The following SHLD2 variants were observed in gnomAD, a reference collection of about 807,000 sequenced individuals.
SHLD2 encodes the protein RINN1-REV7-interacting novel NHEJ regulator 2.
SHLD2 carries 30 observed loss-of-function variants against 73.2 expected under a neutral mutation model. That is an observed-to-expected ratio of 0.41 (90% CI 0.31 to 0.56). SHLD2 has a LOEUF of 0.56. SHLD2 is among the 20% of genes least tolerant of loss of function. The pLI is 0.28. For synonymous variants in SHLD2, 285 were observed against 370.1 expected, an observed-to-expected ratio of 0.77 and a Z score of 2.64; for missense variants, 745 against 1,055.9, an observed-to-expected ratio of 0.71 and a Z score of 4.08.
intron 6 of SHLD2, among the ~76,000 whole-genome samples, chr10:87,175,369 T>G (rs1377074044): frequency 6.6e-6 from 1 of 151,352 alleles, no homozygotes; most frequent in Non-Finnish European, 1.5e-5. Flanking sequence ...GGGCAAGGAA[T>G]CTTTAGAAAA....
In SHLD2 at chr10:87,151,943, G is replaced by T; in HGVS notation, c.589G>T (p.Glu197Ter). The change falls in exon 3 of 10, where the codon GAG becomes TAG. Residue 197 changes from glutamate to a stop codon, truncating the protein, a stop_gained. Coordinates refer to ENST00000298786, the MANE Select transcript of SHLD2 (RefSeq NM_001330112.2). LOFTEE classifies it high-confidence loss of function. ...INIGPEVVQRECVPTEYHEIQ... is the reference protein window; with the variant it reads ...INIGPEVVQR The stretch of plus-strand genomic sequence containing the variant: ...TATAGGGCCTGAAGTGGTACAAAGA[G>T]AGTGTGTGCCAACAGAATATCATGA... The T allele has an allele frequency of 6.2e-7, 1 of 1,611,328 alleles. No individual in the cohort carries two copies.
At chr10:87,155,897 A>C (rs1181154261) in intron 3 of SHLD2, among the ~76,000 whole-genome samples, 1 of 152,098 alleles carries the variant, frequency 6.6e-6, no homozygotes, top group African/African-American at 2.4e-5. Context: ...GAAAAAGAGG[A>C]CCTAGTTCAC....
At chr10:87,142,397 C>T (rs2134237275) in intron 2 of SHLD2, among the ~76,000 whole-genome samples, 1 of 152,278 alleles carries the variant, frequency 6.6e-6, no homozygotes. Flanking sequence ...TAGTTAAGAA[C>T]TTATGTTTTG....
chr10:87,110,990 C>T (rs550073899), intron 2 of SHLD2, among the ~76,000 whole-genome samples: 52 of 151,540 alleles, frequency 3.4e-4, no homozygotes, highest in African/African-American at 1.0e-3. Flanking sequence ...ACTACAGGCG[C>T]GCACCACCAC....
chr10:87,132,832 A>G (rs1260367206), intron 2 of SHLD2, among the ~76,000 whole-genome samples: 1 of 152,252 alleles, frequency 6.6e-6, no homozygotes, highest in Non-Finnish European at 1.5e-5. Context: ...AAGTGGGGGT[A>G]TAGAATCCTA....
chr10:87,186,680 T>C (rs1848640432), intron 8 of SHLD2, among the ~76,000 whole-genome samples: 1 of 152,220 alleles, frequency 6.6e-6, no homozygotes, highest in Non-Finnish European at 1.5e-5. Flanking sequence ...AAATTGTTAA[T>C]CCAGTTCCCT....
chr10:87,128,088 A>T (rs1221400221), intron 2 of SHLD2, among the ~76,000 whole-genome samples: 7 of 152,062 alleles, frequency 4.6e-5, no homozygotes, highest in Admixed American at 3.9e-4. Context: ...CTCAAATGTT[A>T]TACAGTTTAA....
chr10:87,148,047 T>C lies in SHLD2; in HGVS notation c.-5-3303T>C, dbSNP rs186451931. On this transcript the variant is annotated intron_variant, in intron 2 of 9. Transcript: ENST00000298786. ...TAATTTTCGTATTTTTACAGGATTT[T>C]ACCATGTTGCCTAGGCTAGTCTTGA... 2.4e-4 allele frequency among the ~76,000 whole-genome samples: 37 copies of C among 152,278 alleles called. No individual in the cohort carries two copies. In the East Asian group the frequency reaches 2.5e-3, roughly 10 times the overall value.
At chr10:87,167,351 G>C (rs1847274499) in intron 4 of SHLD2, among the ~76,000 whole-genome samples, 1 of 152,130 alleles carries the variant, frequency 6.6e-6, no homozygotes, top group African/African-American at 2.4e-5. Flanking sequence ...TTTTTTACAG[G>C]TTAGTAGCTA....
intron 2 of SHLD2, among the ~76,000 whole-genome samples, chr10:87,137,717 C>T (rs924947177): frequency 1.3e-5 from 2 of 152,054 alleles, no homozygotes; most frequent in African/African-American, 4.8e-5. Context: ...TTCAGCAAAT[C>T]CCAAGCAAGT....
At chr10:87,107,600 C>T (rs1042762264) in intron 2 of SHLD2, among the ~76,000 whole-genome samples, 5 of 152,032 alleles carry the variant, frequency 3.3e-5, no homozygotes, top group Admixed American at 6.6e-5. Context: ...AAGGAAATGG[C>T]GTGTGGAAAA....
chr10:87,180,058 C>A lies in SHLD2; in HGVS notation c.2171-17C>A. 6.2e-7 allele frequency: 1 copy of A among 1,600,846 alleles called. No homozygotes were observed. Among genetic ancestry groups the A allele is most frequent in the African/African-American group, 1.3e-5 (1 of 74,742 alleles). ...TTTGGCCCAATAATTTATAATATATCTGTTTGTTGTTTGTAGGAGTGGTTC... is the reference window on the plus strand; with the variant it reads ...TTTGGCCCAATAATTTATAATATATATGTTTGTTGTTTGTAGGAGTGGTTC... On this transcript the variant is annotated splice_polypyrimidine_tract_variant and intron_variant, in intron 7 of 9. Transcript: ENST00000298786.
chr10:87,096,047 A>G (rs1268895730), intron 1 of SHLD2, among the ~76,000 whole-genome samples: 1 of 152,166 alleles, frequency 6.6e-6, no homozygotes, highest in Non-Finnish European at 1.5e-5. Flanking sequence ...TTTTTATTTT[A>G]TTTATTTATT....
At chr10:87,186,960 G>GT (rs2134766702) in intron 8 of SHLD2, 125 bp from the exon 9 acceptor site, 1 of 615,450 alleles carries the variant, frequency 1.6e-6, no homozygotes, top group Non-Finnish European at 2.9e-6. Flanking sequence ...ACATCCTAGA[G>GT]TTGTTTTAGG....
chr10:87,127,135 A>G (rs945504822), intron 2 of SHLD2, among the ~76,000 whole-genome samples: 1 of 151,642 alleles, frequency 6.6e-6, no homozygotes, highest in Non-Finnish European at 1.5e-5. Context: ...CCCTTTGTTT[A>G]TTGCCTGGGA....
intron 8 of SHLD2, 40 bp downstream of exon 8, chr10:87,180,343 A>G (rs773841207): frequency 1.4e-5 from 22 of 1,586,482 alleles, no homozygotes; most frequent in Middle Eastern, 4.5e-4. Context: ...GAAAATAATT[A>G]TTATAGATCT....
At chr10:87,143,843 C>T (rs1305932798) in intron 2 of SHLD2, among the ~76,000 whole-genome samples, 1 of 148,942 alleles carries the variant, frequency 6.7e-6, no homozygotes, top group Non-Finnish European at 1.5e-5. Flanking sequence ...GCATGTTCAC[C>T]TTATTCTTTT....
chr10:87,157,729 A>AG (rs1846532577), intron 3 of SHLD2, among the ~76,000 whole-genome samples: 1 of 152,222 alleles, frequency 6.6e-6, no homozygotes, highest in African/African-American at 2.4e-5. Context: ...CCTAAAAAAA[A>AG]TTATTTTTAA....
chr10:87,099,490 G>C (rs796093105), intron 2 of SHLD2, among the ~76,000 whole-genome samples: 1 of 152,168 alleles, frequency 6.6e-6, no homozygotes, highest in Admixed American at 6.6e-5. Flanking sequence ...GCATGTATCA[G>C]GTACTTCATT....
Sources: allele counts gnomAD v4.1 joint callset (sites outside exome capture counted in the v4.1 genomes callset), GRCh38; gene constraint gnomAD v4.1.1; transcripts MANE v1.5; gene names NCBI Gene and HGNC (gene_info 2026-07-23, HGNC 2026-07-21).